Variants in NFATC3 observed in about 807,000 individuals in gnomAD.
The protein encoded by NFATC3 is nuclear factor of activated T cells 3.
A neutral mutation model predicts 98.6 loss-of-function variants in NFATC3; 46 were observed. The ratio of observed to expected loss-of-function variants is 0.47; its 90% confidence interval spans 0.37 to 0.60. The LOEUF is 0.60. Ranked by LOEUF, NFATC3 falls within the 20% of genes least tolerant of loss-of-function variation. The pLI is 0.00. For synonymous variants in NFATC3, 512 were observed against 472.2 expected, an observed-to-expected ratio of 1.08 and a Z score of -1.09; for missense variants, 1,256 against 1,295.5, an observed-to-expected ratio of 0.97 and a Z score of 0.47.
chr16:68,111,565 T>A (rs557191934), intron 1 of NFATC3, among the ~76,000 whole-genome samples: 1 of 152,312 alleles, frequency 6.6e-6, no homozygotes, highest in South Asian at 2.1e-4. Flanking sequence ...ATGGTTCTTG[T>A]CTTTTTAGCC....
In NFATC3 at chr16:68,143,741, A is replaced by C. The variant is rs2037884443; in HGVS notation, c.1402-14128A>C. Among the ~76,000 whole-genome samples, 3 of 152,080 alleles carry C rather than the reference A, an allele frequency of 2.0e-5. No individual in the cohort carries two copies. The South Asian group carries it at 6.2e-4, about 32-fold the overall frequency. ...TGGTGCTCACCTCTAGACCCAGCTAAGTCTGGAGGCTGAGGCAGGAGAATT... is the reference window on the plus strand; with the variant it reads ...TGGTGCTCACCTCTAGACCCAGCTACGTCTGGAGGCTGAGGCAGGAGAATT... On this transcript the variant is annotated intron_variant, in intron 3 of 9. Transcript: ENST00000346183.
intron 9 of NFATC3, chr16:68,214,249 A>G (rs1219456390): frequency 9.7e-7 from 1 of 1,033,136 alleles, no homozygotes; most frequent in Non-Finnish European, 1.5e-6. Flanking sequence ...ATAGAAAAAA[A>G]ACAGGCTGGG....
chr16:68,196,227 C>T lies in NFATC3; in HGVS notation c.3106+4452C>T, dbSNP rs193144478. The stretch of plus-strand genomic sequence containing the variant: ...CTCTACCTACCAGGTTCAAGAGGTT[C>T]TCCTTCCTCAGCCCCCCGAGTAGCT... On this transcript the variant is annotated intron_variant, in intron 9 of 9. Transcript: ENST00000346183. 7.9e-4 allele frequency among the ~76,000 whole-genome samples: 120 copies of T among 152,170 alleles called. 1 individual carries two copies. The South Asian group carries it at 0.014, about 17-fold the overall frequency.
Position 68,226,595 on chromosome 16 carries a change from GA to G in NFATC3, c.*127del, listed in dbSNP as rs1332799938. Reference sequence around the variant, plus strand: ...AGGAGTGGGACCCACCATTTGTGGGGAAAGTAGCATTCCTCCACCTCAGGCC... The same window carrying G: ...AGGAGTGGGACCCACCATTTGTGGGGAAGTAGCATTCCTCCACCTCAGGCC... On this transcript the variant is annotated 3_prime_UTR_variant, in exon 10 of 10. Coordinates refer to ENST00000346183, the MANE Select transcript of NFATC3 (RefSeq NM_173165.3). 1 of 1,157,056 alleles carries G rather than the reference GA, an allele frequency of 8.6e-7. No individual in the cohort carries two copies. The highest frequency in any genetic ancestry group is 1.2e-6 in the Non-Finnish European group (1 of 863,096). The allele number at this position is 1,157,056 out of a possible 1,614,324, so 71.7% of individuals were successfully genotyped here.
In NFATC3 at chr16:68,226,387, T is replaced by C. The variant is rs1038024614; in HGVS notation, c.3144T>C (p.Ser1048=). The C allele has an allele frequency of 2.5e-6, 4 of 1,568,744 alleles. No individual in the cohort carries two copies. Among genetic ancestry groups the C allele is most frequent in the Non-Finnish European group, 3.4e-6 (4 of 1,162,992 alleles). The change falls in exon 10 of 10, where the codon TCT becomes TCC. Residue 1048 remains serine, a synonymous_variant. Transcript: ENST00000346183. Reference sequence around the variant, plus strand: ...TTGGGAGAGACATGTCCCAGATTTCTGTTTCCCAAGGAGCAGGGGTGAGCA... The same window carrying C: ...TTGGGAGAGACATGTCCCAGATTTCCGTTTCCCAAGGAGCAGGGGTGAGCA... ...EIIGRDMSQI[S]VSQGAGVSRQ...
chr16:68,222,289 C>CAAAAAAAAGAAAAAAAAAAAAAAA (rs2041894580), intron 9 of NFATC3, among the ~76,000 whole-genome samples: 1 of 26,404 alleles, frequency 3.8e-5, no homozygotes. Context: ...ACCCCATTGC[C>CAAAAAAAAGAAAAAAAAAAAAAAA]AAAAAAAAAA....
At chr16:68,171,119 C>T (rs1296100678) in intron 5 of NFATC3, among the ~76,000 whole-genome samples, 4 of 151,786 alleles carry the variant, frequency 2.6e-5, no homozygotes, top group Admixed American at 2.6e-4. Context: ...ACAATTCCCC[C>T]GGCTCAGCCT....
intron 1 of NFATC3, among the ~76,000 whole-genome samples, chr16:68,120,534 G>A (rs1448464281): frequency 2.1e-5 from 3 of 145,414 alleles, no homozygotes; most frequent in Admixed American, 7.1e-5. Context: ...AGCCAAGATC[G>A]CACCACTGCA....
chr16:68,221,277 A>G (rs2041853733), intron 9 of NFATC3: 2 of 1,614,042 alleles, frequency 1.2e-6, no homozygotes, highest in Admixed American at 1.7e-5. Context: ...TATCTGAGGA[A>G]TCTAGAGGTG....
intron 7 of NFATC3, among the ~76,000 whole-genome samples, chr16:68,182,384 T>G (rs2039984515): frequency 6.6e-6 from 1 of 152,230 alleles, no homozygotes; most frequent in South Asian, 2.1e-4. Flanking sequence ...TCCAAAGATT[T>G]GGAGCAGTTA....
intron 1 of NFATC3, among the ~76,000 whole-genome samples, chr16:68,119,792 T>G (rs1302360335): frequency 6.6e-6 from 1 of 152,146 alleles, no homozygotes; most frequent in Non-Finnish European, 1.5e-5. Context: ...GTAAGCTCCA[T>G]GAGGAGGGGA....
At chr16:68,211,735 T>G (rs775182015) in intron 9 of NFATC3, among the ~76,000 whole-genome samples, 2 of 151,202 alleles carry the variant, frequency 1.3e-5, no homozygotes, top group African/African-American at 2.4e-5. Context: ...CTGGCCAGGC[T>G]GGTCTCGAAC....
intron 3 of NFATC3, chr16:68,138,874 T>G: frequency 1.0e-6 from 1 of 982,960 alleles, no homozygotes; most frequent in Non-Finnish European, 1.3e-6. Flanking sequence ...AGAGCCAGAC[T>G]GTTTTGGTTG....
chr16:68,137,242 T>G (rs776566140), intron 3 of NFATC3, among the ~76,000 whole-genome samples: 17 of 152,148 alleles, frequency 1.1e-4, no homozygotes, highest in Non-Finnish European at 1.9e-4. Flanking sequence ...TCCATAAACA[T>G]TTTTCTATGT....
chr16:68,196,796 C>T (rs975193731), intron 9 of NFATC3, among the ~76,000 whole-genome samples: 7 of 152,034 alleles, frequency 4.6e-5, no homozygotes, highest in Non-Finnish European at 1.0e-4. Flanking sequence ...TTTGGGAGGC[C>T]GAGGTGGGCA....
rs1250645650 is a variant in NFATC3 at position 68,191,594 on chromosome 16, A to C, written c.2925A>C (p.Ser975=). 2.5e-6 allele frequency: 4 copies of C among 1,613,984 alleles called. No homozygotes were observed. The highest frequency in any genetic ancestry group is 3.4e-6 in the Non-Finnish European group (4 of 1,180,028). Residue 975 remains serine (S), a synonymous_variant, in exon 9 of 10, where the codon TCA becomes TCC. Coordinates refer to ENST00000346183, the MANE Select transcript of NFATC3 (RefSeq NM_173165.3). ...PATRMHSGQH[S]TQAQSTGQGG... ...CCAGAATGCATTCTGGACAGCACTC[A>C]ACTCAAGCACAAAGTACGGGCCAGG...
intron 2 of NFATC3, among the ~76,000 whole-genome samples, chr16:68,124,886 G>A (rs1344375800): frequency 3.3e-5 from 5 of 151,844 alleles, no homozygotes; most frequent in African/African-American, 1.2e-4. Flanking sequence ...CTGCCACCAC[G>A]CCTGGCTAAT....
At chr16:68,181,445 CT>C in intron 6 of NFATC3, 29 bp from the exon 7 acceptor site, 3 of 1,559,714 alleles carry the variant, frequency 1.9e-6, no homozygotes, top group Non-Finnish European at 2.6e-6. Context: ...ATATGAATTG[CT>C]TTTAACTATA....
chr16:68,223,062 G>A (rs1318206186), intron 9 of NFATC3, among the ~76,000 whole-genome samples: 3 of 152,198 alleles, frequency 2.0e-5, no homozygotes, highest in African/African-American at 7.2e-5. Context: ...TACTGATGGG[G>A]AAACTGAAGA....
Sources: allele counts gnomAD v4.1 joint callset (sites outside exome capture counted in the v4.1 genomes callset), GRCh38; gene constraint gnomAD v4.1.1; transcripts MANE v1.5; gene names NCBI Gene and HGNC (gene_info 2026-07-23, HGNC 2026-07-21).